The following ACSM4 variants were observed in gnomAD, a reference collection of about 807,000 sequenced individuals.
ACSM4 encodes the protein acyl-CoA synthetase medium chain family member 4.
In ACSM4, 66 loss-of-function variants were observed where a neutral mutation model predicts 73.0. That is an observed-to-expected ratio of 0.90 (90% CI 0.74 to 1.11). ACSM4 has a LOEUF of 1.11. ACSM4 is among the 50% of genes least tolerant of loss of function. ACSM4 has a pLI of 0.00. For synonymous variants in ACSM4, 222 were observed against 254.0 expected (o/e 0.87, Z 1.20); for missense variants, 645 against 714.4 (o/e 0.90, Z 1.11).
At chr12:7,309,050 T>G (rs1168995560) in intron 2 of ACSM4, among the ~76,000 whole-genome samples, 1 of 152,250 alleles carries the variant, frequency 6.6e-6, no homozygotes, top group African/African-American at 2.4e-5. Context: ...CTGTATCACT[T>G]TATATACACT....
intron 4 of ACSM4, 86 bp downstream of exon 4, chr12:7,317,366 A>G: frequency 6.9e-7 from 1 of 1,443,312 alleles, no homozygotes; most frequent in African/African-American, 1.4e-5. Flanking sequence ...TTCTCCTTGA[A>G]TTGCTATAAG....
At chr12:7,321,848 C>T (rs1591845659) in intron 6 of ACSM4, among the ~76,000 whole-genome samples, 2 of 152,146 alleles carry the variant, frequency 1.3e-5, no homozygotes, top group Non-Finnish European at 2.9e-5. Flanking sequence ...GATTAAGAGC[C>T]CCCTCATAAG....
At chr12:7,310,144 T>G (rs773586349) in intron 2 of ACSM4, among the ~76,000 whole-genome samples, 3 of 152,352 alleles carry the variant, frequency 2.0e-5, no homozygotes, top group African/African-American at 7.2e-5. Flanking sequence ...TGTTATAAGC[T>G]GTAAAGTGCT....
At position 7,306,760 on chromosome 12, in the gene ACSM4, G is replaced by T. The variant is rs1175532674; in HGVS notation, c.412+17G>T. 2 of 1,588,536 alleles carry T rather than the reference G, an allele frequency of 1.3e-6. No individual in the cohort carries two copies. The highest frequency in any genetic ancestry group is 1.7e-6 in the Non-Finnish European group (2 of 1,166,914). On this transcript the variant is annotated intron_variant, in intron 2 of 12. Coordinates refer to ENST00000399422, the MANE Select transcript of ACSM4 (RefSeq NM_001080454.2). ...TACGAACAGGTCAGTGCCAATATTA[G>T]CATTCTAAATCACACAAACACAGAG...
At position 7,317,161 on chromosome 12, in the gene ACSM4, T is replaced by C; in HGVS notation, c.645T>C (p.Cys215=). Residue 215 remains cysteine (C), a synonymous_variant, in exon 4 of 13, where the codon TGT becomes TGC. Transcript: ENST00000399422. ...LFQFASEEHS[C]VETGSQEPMT... ...GATTCGCCTCTGAAGAGCACAGCTG[T>C]GTGGAAACAGGAAGTCAAGAACCAA... 6.2e-7 allele frequency: 1 copy of C among 1,613,040 alleles called. No individual in the cohort carries two copies. The highest frequency in any genetic ancestry group is 8.5e-7 in the Non-Finnish European group (1 of 1,179,524).
intron 5 of ACSM4, among the ~76,000 whole-genome samples, chr12:7,319,713 T>G (rs891367873): frequency 6.6e-6 from 1 of 152,178 alleles, no homozygotes; most frequent in Non-Finnish European, 1.5e-5. Flanking sequence ...TCCTTTGGGT[T>G]GGGGATCCCT....
chr12:7,323,988 G>T (rs1345118076), intron 9 of ACSM4, among the ~76,000 whole-genome samples: 1 of 152,000 alleles, frequency 6.6e-6, no homozygotes, highest in Non-Finnish European at 1.5e-5. Context: ...ACCAGCCTGG[G>T]CAACATAGTG....
chr12:7,304,324 T>A lies in ACSM4; in HGVS notation c.-8T>A. The A allele has an allele frequency of 6.2e-7, 1 of 1,613,816 alleles. No homozygotes were observed. Among genetic ancestry groups the A allele is most frequent in the Non-Finnish European group, 8.5e-7 (1 of 1,179,754 alleles). ...GTCCATAGCAGTAGACAAAGTCCTT[T>A]GGGAACCATGAAGATTTTTTTCCGC... On this transcript the variant is annotated 5_prime_UTR_variant, in exon 1 of 13. Coordinates refer to ENST00000399422, the MANE Select transcript of ACSM4 (RefSeq NM_001080454.2).
intron 6 of ACSM4, among the ~76,000 whole-genome samples, chr12:7,321,316 T>C (rs1371343284): frequency 6.6e-6 from 1 of 152,258 alleles, no homozygotes; most frequent in Admixed American, 6.5e-5. Flanking sequence ...ATATTCAATT[T>C]AGCCAAACCA....
Position 7,328,484 on chromosome 12 carries a change from A to C in ACSM4, c.*111A>C. 2.3e-6 allele frequency: 2 copies of C among 860,092 alleles called. No homozygotes were observed. Among genetic ancestry groups the C allele is most frequent in the Non-Finnish European group, 3.2e-6 (2 of 622,606 alleles). 53.3% of individuals were successfully genotyped at this position (860,092 alleles called of 1,614,324 possible). On this transcript the variant is annotated 3_prime_UTR_variant, in exon 13 of 13. Transcript: ENST00000399422. ...AAATGTTTAAGATCTTTCCTGCTTG[A>C]AAACTCAACTGTTGATTTTTTGGTT...
intron 2 of ACSM4, among the ~76,000 whole-genome samples, chr12:7,309,151 G>C (rs1946376512): frequency 6.6e-6 from 1 of 152,154 alleles, no homozygotes; most frequent in Non-Finnish European, 1.5e-5. Flanking sequence ...AGAATGAACT[G>C]GTACTTTAAA....
chr12:7,324,625 G>A, intron 11 of ACSM4, 27 bp downstream of exon 11: 1 of 1,607,034 alleles, frequency 6.2e-7, no homozygotes. Flanking sequence ...TATTAAAGAA[G>A]CAACATCATA....
At chr12:7,327,835 C>CA (rs1565757228) in intron 12 of ACSM4, among the ~76,000 whole-genome samples, 1 of 152,034 alleles carries the variant, frequency 6.6e-6, no homozygotes, top group Non-Finnish European at 1.5e-5. Flanking sequence ...GAGAAGAGAA[C>CA]AAAAAGAGGA....
At chr12:7,319,047 G>T (rs959530585) in intron 5 of ACSM4, among the ~76,000 whole-genome samples, 1 of 152,144 alleles carries the variant, frequency 6.6e-6, no homozygotes, top group Non-Finnish European at 1.5e-5. Flanking sequence ...AAATTATAAT[G>T]TATAACGAAA....
intron 1 of ACSM4, 26 bp downstream of exon 1, chr12:7,304,558 A>G (rs1591840837): frequency 6.3e-7 from 1 of 1,596,658 alleles, no homozygotes; most frequent in South Asian, 1.1e-5. Context: ...CTTCCAGTAG[A>G]TGCTTGGTGT....
At position 7,326,981 on chromosome 12, in the gene ACSM4, GA is replaced by G. The variant is rs930174853; in HGVS notation, c.1545del (p.Ala516LeufsTer5). 2 of 1,601,560 alleles carry G rather than the reference GA, an allele frequency of 1.2e-6. No individual in the cohort carries two copies. The highest frequency in any genetic ancestry group is 1.3e-5 in the African/African-American group (1 of 74,448). On this transcript the variant is annotated frameshift_variant, in exon 12 of 13. Transcript: ENST00000399422. LOFTEE classifies it high-confidence loss of function. ...AATTAACTTTTCTGTTGCAGGTGGT[GA>G]AAGCTTTTGTTGTCTTAGCTGCACC... Reference protein sequence around the residue: ...SPDQIRGEVVKAFVVLAAPFK... With the variant: ...SPDQIRGEVVXAFVVLAAPFK...
In ACSM4 at chr12:7,311,304, A is replaced by G. The variant is rs7304104; in HGVS notation, c.620+558A>G. ...CTCTCTACTGTGGCCTATGATGAGT[A>G]TCCTGTGTGGTCTGGCCCTTGCTTA... On this transcript the variant is annotated intron_variant, in intron 3 of 12. Coordinates refer to ENST00000399422, the MANE Select transcript of ACSM4 (RefSeq NM_001080454.2). Among the ~76,000 whole-genome samples, 1,352 of 152,180 alleles carry G rather than the reference A, an allele frequency of 8.9e-3. 13 individuals are homozygous for G. Among genetic ancestry groups the G allele is most frequent in the Non-Finnish European group, 0.013 (908 of 68,000 alleles).
At chr12:7,311,252 G>A (rs1214863567) in intron 3 of ACSM4, among the ~76,000 whole-genome samples, 5 of 151,972 alleles carry the variant, frequency 3.3e-5, no homozygotes, top group Non-Finnish European at 7.4e-5. Flanking sequence ...CAGAAGAAAG[G>A]CACGTAGCTC....
intron 12 of ACSM4, 72 bp from the exon 13 acceptor site, chr12:7,328,215 G>A: frequency 8.4e-7 from 1 of 1,186,752 alleles, no homozygotes; most frequent in Non-Finnish European, 1.2e-6. Context: ...TTCCATGCAA[G>A]CTCCTTCCTA....
Sources: gnomAD v4.1 joint callset for allele counts (sites outside exome capture counted in the v4.1 genomes callset) on GRCh38, gnomAD v4.1.1 for gene constraint, MANE v1.5 for transcripts, NCBI Gene and HGNC (gene_info 2026-07-23, HGNC 2026-07-21) for gene names.